Variants in PDE4D observed in about 807,000 individuals in gnomAD.
PDE4D encodes the protein phosphodiesterase 4D.
A neutral mutation model predicts 87.4 loss-of-function variants in PDE4D; 24 were observed. The observed-to-expected ratio is 0.27, with a 90% CI of 0.20 to 0.39. PDE4D has a LOEUF of 0.39. Ranked by LOEUF, PDE4D falls within the 10% of genes least tolerant of loss-of-function variation. The pLI is 1.00. For synonymous variants in PDE4D, 384 were observed against 383.2 expected, an observed-to-expected ratio of 1.00 and a Z score of -0.02; for missense variants, 714 against 1,041.0, an observed-to-expected ratio of 0.69 and a Z score of 4.32.
chr5:59,303,100 C>T (rs1770591774), intron 1 of PDE4D, among the ~76,000 whole-genome samples: 1 of 152,048 alleles, frequency 6.6e-6, no homozygotes. Context: ...ACGGTGGTAT[C>T]ACATTTTGTG....
chr5:59,754,116 G>A (rs1760873962), intron 1 of PDE4D, among the ~76,000 whole-genome samples: 1 of 152,118 alleles, frequency 6.6e-6, no homozygotes, highest in Non-Finnish European at 1.5e-5. Context: ...GATCTCTTGA[G>A]GTCAGGAGTT....
chr5:59,218,587 T>C (rs894969631), intron 1 of PDE4D, among the ~76,000 whole-genome samples: 9 of 152,180 alleles, frequency 5.9e-5, no homozygotes, highest in African/African-American at 1.9e-4. Flanking sequence ...TTTTTCTTTG[T>C]ATACTGTAAT....
intron 1 of PDE4D, among the ~76,000 whole-genome samples, chr5:60,312,582 C>T (rs112399747): frequency 0.033 from 5,045 of 152,210 alleles, 125 homozygotes; most frequent in Middle Eastern, 0.082. Context: ...GGAGAAATGC[C>T]AGATGCTTAT....
intron 1 of PDE4D, among the ~76,000 whole-genome samples, chr5:59,828,960 G>GA (rs1581297505): frequency 6.6e-6 from 1 of 151,936 alleles, no homozygotes; most frequent in East Asian, 1.9e-4. Context: ...AAATCAAAGG[G>GA]AAAAAAATAC....
intron 1 of PDE4D, among the ~76,000 whole-genome samples, chr5:59,326,897 A>G (rs1775775829): frequency 6.6e-6 from 1 of 152,134 alleles, no homozygotes; most frequent in African/African-American, 2.4e-5. Context: ...CATTTCCCCA[A>G]TAGATTCCAA....
chr5:60,090,678 G>C (rs1775028738), intron 2 of PDE4D, among the ~76,000 whole-genome samples: 1 of 152,092 alleles, frequency 6.6e-6, no homozygotes, highest in African/African-American at 2.4e-5. Context: ...TCCTATCACA[G>C]CGGTTAGGCA....
chr5:59,388,391 G>T, intron 1 of PDE4D, among the ~76,000 whole-genome samples: 1 of 152,030 alleles, frequency 6.6e-6, no homozygotes, highest in East Asian at 1.9e-4. Flanking sequence ...CTGTTGGTGG[G>T]AATGTATATT....
intron 2 of PDE4D, among the ~76,000 whole-genome samples, chr5:60,124,439 C>T (rs1778951150): frequency 6.7e-6 from 1 of 148,884 alleles, no homozygotes; most frequent in South Asian, 2.2e-4. Context: ...TCCTCACACT[C>T]AGTTGATAGC....
At chr5:59,755,352 T>G (rs1012254517) in intron 1 of PDE4D, among the ~76,000 whole-genome samples, 1 of 152,142 alleles carries the variant, frequency 6.6e-6, no homozygotes, top group Non-Finnish European at 1.5e-5. Flanking sequence ...TGACGCTAGT[T>G]CCAAATTACA....
intron 1 of PDE4D, among the ~76,000 whole-genome samples, chr5:59,773,254 C>T (rs1421978300): frequency 6.6e-6 from 1 of 152,104 alleles, no homozygotes; most frequent in African/African-American, 2.4e-5. Flanking sequence ...AAATAACTTG[C>T]CAGAGGTCAT....
At chr5:59,872,722 C>A (rs976486305) in intron 1 of PDE4D, among the ~76,000 whole-genome samples, 1 of 152,000 alleles carries the variant, frequency 6.6e-6, no homozygotes, top group African/African-American at 2.4e-5. Context: ...CATTTAAATA[C>A]CAAAAAGTTA....
At position 60,025,129 on chromosome 5, in the gene PDE4D, T is replaced by G. The variant is rs77591608; in HGVS notation, c.43-36412A>C. Among the ~76,000 whole-genome samples, 485 of 152,284 alleles carry G rather than the reference T, an allele frequency of 3.2e-3. 2 individuals carry two copies. The highest frequency in any genetic ancestry group is 5.5e-3 in the Non-Finnish European group (376 of 68,022). On this transcript the variant is annotated intron_variant, in intron 2 of 16. Transcript: ENST00000502484. ...GAAGATAAATTGGATTTATACCAAT[T>G]ATTAGACTGAAGATACAGATGTAAA...
chr5:60,100,045 T>C (rs547638875), intron 2 of PDE4D, among the ~76,000 whole-genome samples: 1 of 152,048 alleles, frequency 6.6e-6, no homozygotes, highest in East Asian at 1.9e-4. Flanking sequence ...TATTTCCACA[T>C]AGTGGAATAT....
At chr5:60,498,433 T>G (rs1749919447) in intron 1 of PDE4D, among the ~76,000 whole-genome samples, 1 of 152,134 alleles carries the variant, frequency 6.6e-6, no homozygotes, top group South Asian at 2.1e-4. Flanking sequence ...TGACTCTCTC[T>G]CCCAAAAGGC....
intron 1 of PDE4D, among the ~76,000 whole-genome samples, chr5:59,306,122 G>T (rs766765871): frequency 6.6e-6 from 1 of 152,084 alleles, no homozygotes; most frequent in Non-Finnish European, 1.5e-5. Flanking sequence ...GTTGGAGAAG[G>T]CCTTTTACCA....
At position 59,437,705 on chromosome 5, in the gene PDE4D, GA is replaced by G. The variant is rs879487857; in HGVS notation, c.456-221738del. 4.5e-3 allele frequency among the ~76,000 whole-genome samples: 631 copies of G among 140,256 alleles called. 3 individuals are homozygous for G. Among genetic ancestry groups the G allele is most frequent in the East Asian group, 0.013 (66 of 4,916 alleles). 92.0% of individuals were successfully genotyped at this position (140,256 alleles called of 152,430 possible). On this transcript the variant is annotated intron_variant, in intron 1 of 14. Coordinates refer to ENST00000340635, the MANE Select transcript of PDE4D (RefSeq NM_001104631.2). ...AGTAGATGGCATAACTCCTATCTAGGAAAAAAAAAAAGCATACAATTCATTT... is the reference window on the plus strand; with the variant it reads ...AGTAGATGGCATAACTCCTATCTAGGAAAAAAAAAAGCATACAATTCATTT...
chr5:60,491,811 C>T (rs1749547633), upstream of PDE4D, among the ~76,000 whole-genome samples: 1 of 151,592 alleles, frequency 6.6e-6, no homozygotes, highest in South Asian at 2.1e-4. Context: ...CCAGCTCTGA[C>T]TCTTAATTGT....
At chr5:59,414,420 G>C (rs1793239422) in intron 1 of PDE4D, among the ~76,000 whole-genome samples, 1 of 152,194 alleles carries the variant, frequency 6.6e-6, no homozygotes, top group Non-Finnish European at 1.5e-5. Context: ...TGAAGAAAGG[G>C]TAGAATTTGG....
chr5:60,372,475 C>G (rs1383197263), intron 1 of PDE4D: 2 of 152,298 alleles, frequency 1.3e-5, no homozygotes, highest in African/African-American at 2.4e-5. Context: ...CCTGCAATAT[C>G]CAGTCTGACA....
Sources: allele counts gnomAD v4.1 joint callset (sites outside exome capture counted in the v4.1 genomes callset), GRCh38; gene constraint gnomAD v4.1.1; transcripts MANE v1.5; gene names NCBI Gene and HGNC (gene_info 2026-07-23, HGNC 2026-07-21).